The following CENPQ variants were observed in gnomAD, a reference collection of about 807,000 sequenced individuals.
CENPQ encodes the protein chromosome 6 open reading frame 139.
Under a neutral mutation model 36.6 loss-of-function variants are expected in CENPQ, and 27 were observed. The ratio of observed to expected loss-of-function variants is 0.74; its 90% confidence interval spans 0.54 to 1.02. CENPQ has a LOEUF of 1.02. Ranked by LOEUF, CENPQ falls within the 50% of genes least tolerant of loss-of-function variation. The probability of loss-of-function intolerance (pLI) is 0.00; values close to 1 mark genes in which losing one functional copy is unlikely to be tolerated. For missense variants in CENPQ, 306 were observed against 301.8 expected (o/e 1.01, Z -0.10); for synonymous variants, 101 against 101.7 (o/e 0.99, Z 0.04).
chr6:49,477,339 A>C (rs553631821), intron 5 of CENPQ, among the ~76,000 whole-genome samples: 1 of 148,630 alleles, frequency 6.7e-6, no homozygotes, highest in Admixed American at 6.8e-5. Context: ...CAAACACCGC[A>C]TATTCTCACT....
At chr6:49,472,297 TTCGG>T (rs1768160991) in intron 4 of CENPQ, 114 bp downstream of exon 4, 2 of 852,522 alleles carry the variant, frequency 2.3e-6, no homozygotes, top group Admixed American at 6.7e-5. Flanking sequence ...ATATTTCTAT[TTCGG>T]AAGCAGATAA....
chr6:49,463,755 A>C (rs921685587), intron 1 of CENPQ, among the ~76,000 whole-genome samples: 2 of 152,158 alleles, frequency 1.3e-5, no homozygotes, highest in African/African-American at 2.4e-5. Flanking sequence ...AGCCTTGGAC[A>C]TTAGTGTCTG....
intron 8 of CENPQ, among the ~76,000 whole-genome samples, chr6:49,491,150 A>G (rs953905455): frequency 6.6e-6 from 1 of 152,200 alleles, no homozygotes; most frequent in Non-Finnish European, 1.5e-5. Context: ...GACCAATTAT[A>G]CATTACATAT....
intron 1 of CENPQ, among the ~76,000 whole-genome samples, chr6:49,468,224 G>C (rs1277566301): frequency 6.6e-6 from 1 of 151,774 alleles, no homozygotes; most frequent in Non-Finnish European, 1.5e-5. Context: ...TTGGCTGGGA[G>C]CTCAGCTAAG....
At chr6:49,471,067 A>G (rs764296363) in intron 3 of CENPQ, 39 bp downstream of exon 3, 11 of 1,181,054 alleles carry the variant, frequency 9.3e-6, no homozygotes, top group Admixed American at 2.4e-5. Context: ...CTGCTTCTAT[A>G]TCAAGCTATA....
rs1381066309 is a variant in CENPQ at position 49,470,795 on chromosome 6, A to G, written c.103-179A>G. ...CATCATTGTCAAGAATTGCTTTAGT[A>G]TGTCCTCTCTGTGATAAATATACAC... On this transcript the variant is annotated intron_variant, in intron 2 of 8. Coordinates refer to ENST00000335783, the MANE Select transcript of CENPQ (RefSeq NM_018132.4). 2.6e-5 allele frequency among the ~76,000 whole-genome samples: 4 copies of G among 152,308 alleles called. No individual in the cohort carries two copies. The East Asian group carries it at 5.8e-4, about 22-fold the overall frequency.
intron 4 of CENPQ, among the ~76,000 whole-genome samples, chr6:49,472,511 A>T (rs903258627): frequency 6.6e-6 from 1 of 152,170 alleles, no homozygotes; most frequent in African/African-American, 2.4e-5. Flanking sequence ...ACTGGAGGGG[A>T]TACAGAGAAA....
At chr6:49,478,563 T>C (rs1468621551) in intron 5 of CENPQ, among the ~76,000 whole-genome samples, 1 of 152,196 alleles carries the variant, frequency 6.6e-6, no homozygotes, top group Admixed American at 6.5e-5. Context: ...GGCAGCTTCC[T>C]GTGTATATCA....
intron 5 of CENPQ, among the ~76,000 whole-genome samples, chr6:49,474,178 T>C (rs1245253506): frequency 2.6e-5 from 4 of 152,158 alleles, no homozygotes; most frequent in African/African-American, 9.7e-5. Flanking sequence ...CTAATAGACA[T>C]CTAAAGAACT....
At chr6:49,469,431 G>A (rs1768076326) in intron 1 of CENPQ, among the ~76,000 whole-genome samples, 1 of 152,120 alleles carries the variant, frequency 6.6e-6, no homozygotes, top group Non-Finnish European at 1.5e-5. Flanking sequence ...TGTAATGCAA[G>A]AATAAGTATT....
intron 5 of CENPQ, among the ~76,000 whole-genome samples, chr6:49,475,083 G>C (rs1234261708): frequency 6.6e-6 from 1 of 152,166 alleles, no homozygotes; most frequent in Non-Finnish European, 1.5e-5. Context: ...GAGATACAAG[G>C]AGGAGCTGGA....
At chr6:49,468,872 G>A (rs1768064997) in intron 1 of CENPQ, among the ~76,000 whole-genome samples, 2 of 151,566 alleles carry the variant, frequency 1.3e-5, no homozygotes, top group African/African-American at 2.4e-5. Context: ...GTACATGTCA[G>A]CCCTTCCAGG....
intron 5 of CENPQ, among the ~76,000 whole-genome samples, chr6:49,474,319 C>T (rs1308331151): frequency 3.9e-5 from 6 of 152,182 alleles, no homozygotes; most frequent in African/African-American, 9.7e-5. Context: ...CAAACTGTCT[C>T]TCAGACCACA....
At chr6:49,484,329 C>A (rs1418832580) in intron 6 of CENPQ, among the ~76,000 whole-genome samples, 1 of 152,216 alleles carries the variant, frequency 6.6e-6, no homozygotes, top group Admixed American at 6.5e-5. Context: ...CTTTGTCATT[C>A]TGACAGTAGC....
At position 49,481,004 on chromosome 6, in the gene CENPQ, T is replaced by C; in HGVS notation, c.401T>C (p.Leu134Ser). 1 of 1,609,898 alleles carries C rather than the reference T, an allele frequency of 6.2e-7. No homozygotes were observed. Among genetic ancestry groups the C allele is most frequent in the Non-Finnish European group, 8.5e-7 (1 of 1,177,350 alleles). Residue 134 changes from leucine (L) to serine (S), a missense_variant, in exon 6 of 9, where the codon TTA becomes TCA. By Grantham distance (145) the Leu-to-Ser change is moderately radical (BLOSUM62 -2). Transcript: ENST00000335783. ...LKVPPKKMED[L>S]TNVSSLLNME... ...GTCCCTCCCAAAAAGATGGAAGATT[T>C]AACTAATGTATCAAGTCTACTGAAT... is the stretch of plus-strand genomic sequence containing the variant.
chr6:49,468,396 C>T (rs1185107412), intron 1 of CENPQ, among the ~76,000 whole-genome samples: 8 of 151,836 alleles, frequency 5.3e-5, no homozygotes, highest in Admixed American at 1.3e-4. Context: ...AGTTCGAGAC[C>T]GGCCTGAACA....
rs1438074218 is a variant in CENPQ at position 49,487,174 on chromosome 6, A to AT, written c.478-1178_478-1177insT. 3.9e-4 allele frequency among the ~76,000 whole-genome samples: 57 copies of AT among 145,278 alleles called. 11 individuals carry two copies. The highest frequency in any genetic ancestry group is 1.6e-3 in the African/African-American group (56 of 36,058). On this transcript the variant is annotated intron_variant, in intron 6 of 8. Coordinates refer to ENST00000335783, the MANE Select transcript of CENPQ (RefSeq NM_018132.4). Reference sequence around the variant, plus strand: ...ATCTCAAAAAAAAAAAAAAAATAAAAAAAATAAAAACAGAGTCTGTTCCTC... The same window carrying AT: ...ATCTCAAAAAAAAAAAAAAAATAAAATAAAATAAAAACAGAGTCTGTTCCTC...
At chr6:49,477,907 T>C (rs962446537) in intron 5 of CENPQ, among the ~76,000 whole-genome samples, 1 of 152,236 alleles carries the variant, frequency 6.6e-6, no homozygotes, top group Non-Finnish European at 1.5e-5. Flanking sequence ...CTTTTTAATA[T>C]AGAACAAATA....
At position 49,492,225 on chromosome 6, in the gene CENPQ, A is replaced by C. The variant is rs768841409; in HGVS notation, c.757A>C (p.Ser253Arg). ...TCTTCATAATTCATCACAGATGAAG[A>C]GCATGTCAACCTTCATTGAAGAAGC... is the stretch of plus-strand genomic sequence containing the variant. ...DILHNSSQMK[S>R]MSTFIEEAYK... Residue 253 changes from serine (S) to arginine (R), a missense_variant, in exon 9 of 9, where the codon AGC becomes CGC. Transcript: ENST00000335783. The C allele has an allele frequency of 1.2e-6, 2 of 1,607,138 alleles. No homozygotes were observed. Among genetic ancestry groups the C allele is most frequent in the African/African-American group, 1.3e-5 (1 of 74,698 alleles).
Sources: gnomAD v4.1 joint callset for allele counts (sites outside exome capture counted in the v4.1 genomes callset) on GRCh38, gnomAD v4.1.1 for gene constraint, MANE v1.5 for transcripts, NCBI Gene and HGNC (gene_info 2026-07-23, HGNC 2026-07-21) for gene names.